QKI: variants seen among roughly 807,000 people sequenced by gnomAD.
The protein encoded by QKI is QKI, KH domain containing RNA binding.
A neutral mutation model predicts 39.0 loss-of-function variants in QKI; 10 were observed. The observed-to-expected ratio is 0.26, with a 90% CI of 0.16 to 0.43. The LOEUF (loss-of-function observed/expected upper bound fraction) is 0.43. Among genes scored for constraint, QKI ranks in the 20% least tolerant of loss-of-function variants. The pLI is 1.00. For synonymous variants in QKI, 204 were observed against 155.4 expected, an observed-to-expected ratio of 1.31 and a Z score of -2.33; for missense variants, 218 against 428.0, an observed-to-expected ratio of 0.51 and a Z score of 4.33.
intron 6 of QKI, chr6:163,565,293 C>G (rs1783291199): frequency 1.0e-6 from 1 of 986,512 alleles, no homozygotes; most frequent in South Asian, 4.7e-5. Context: ...CTCTCTGCTG[C>G]ACCCACAGCA....
At chr6:163,486,717 A>T (rs1409080980) in intron 3 of QKI, among the ~76,000 whole-genome samples, 2 of 152,208 alleles carry the variant, frequency 1.3e-5, no homozygotes, top group Non-Finnish European at 2.9e-5. Flanking sequence ...ATAGTTTGGT[A>T]TGTCTTGTAG....
chr6:163,506,762 G>A (rs76156611), intron 3 of QKI, among the ~76,000 whole-genome samples: 4,239 of 152,166 alleles, frequency 0.028, 195 homozygotes, highest in African/African-American at 0.096. Flanking sequence ...ATGACCCTTA[G>A]TATTGTATAT....
chr6:163,436,981 C>G lies in QKI; in HGVS notation c.143-18298C>G, dbSNP rs563301458. 2.0e-5 allele frequency among the ~76,000 whole-genome samples: 3 copies of G among 152,146 alleles called. No individual in the cohort carries two copies. In the South Asian group the frequency reaches 6.2e-4, roughly 32 times the overall value. ...GTTGGAGATACATTTGAATGTTTAG[C>G]CATCTCTCAATTTCCATGGAGAGGA... On this transcript the variant is annotated intron_variant, in intron 1 of 7. Coordinates refer to ENST00000361752, the MANE Select transcript of QKI (RefSeq NM_006775.3).
intron 2 of QKI, among the ~76,000 whole-genome samples, chr6:163,473,975 C>A (rs1488958201): frequency 1.3e-5 from 2 of 151,820 alleles, no homozygotes; most frequent in African/African-American, 4.8e-5. Context: ...GTTGATTTTG[C>A]ATTAAATTGG....
chr6:163,538,662 C>T (rs1297265057), intron 4 of QKI, among the ~76,000 whole-genome samples: 2 of 152,312 alleles, frequency 1.3e-5, no homozygotes, highest in South Asian at 2.1e-4. Flanking sequence ...ATTCCAGCTG[C>T]TGGCCTGAGA....
At chr6:163,458,902 A>G (rs894344919) in intron 2 of QKI, among the ~76,000 whole-genome samples, 6 of 152,192 alleles carry the variant, frequency 3.9e-5, no homozygotes, top group African/African-American at 4.8e-5. Context: ...AGTAAAGACA[A>G]TAGGTTTCTT....
At chr6:163,489,758 C>A (rs909666912) in intron 3 of QKI, among the ~76,000 whole-genome samples, 6 of 152,094 alleles carry the variant, frequency 3.9e-5, no homozygotes, top group Non-Finnish European at 5.9e-5. Flanking sequence ...GGAATTATTT[C>A]ATTTTATTAA....
rs1421610608 is a variant in QKI at position 163,577,134 on chromosome 6, A to AC, written c.*6425dup. 6.6e-6 allele frequency: 1 copy of AC among 152,150 alleles called. No homozygotes were observed. Among genetic ancestry groups the AC allele is most frequent in the African/African-American group, 2.4e-5 (1 of 41,434 alleles). 9.4% of individuals were successfully genotyped at this position (152,150 alleles called of 1,614,324 possible). ...AGTGTGAAACCTTTACGAGTCTTTA[A>AC]CATCTAAATGTTATGACTCCTTGTA... On this transcript the variant is annotated 3_prime_UTR_variant, in exon 8 of 8. Coordinates refer to ENST00000361752, the MANE Select transcript of QKI (RefSeq NM_006775.3).
chr6:163,458,573 T>TA (rs1321482964), intron 2 of QKI, among the ~76,000 whole-genome samples: 1 of 152,194 alleles, frequency 6.6e-6, no homozygotes, highest in East Asian at 1.9e-4. Flanking sequence ...GCACCTTACT[T>TA]ACAGAAGTCA....
intron 6 of QKI, chr6:163,564,372 T>A: frequency 8.4e-7 from 1 of 1,197,314 alleles, no homozygotes; most frequent in Non-Finnish European, 1.1e-6. Flanking sequence ...TATAATCTTA[T>A]GGGACCACAT....
chr6:163,435,412 C>T (rs995408632), intron 1 of QKI, among the ~76,000 whole-genome samples: 2 of 152,094 alleles, frequency 1.3e-5, no homozygotes, highest in Middle Eastern at 3.2e-3. Flanking sequence ...AAATTGCAGA[C>T]CTTGATACTG....
chr6:163,477,711 A>T (rs373363514), intron 2 of QKI, among the ~76,000 whole-genome samples: 17 of 152,306 alleles, frequency 1.1e-4, no homozygotes, highest in African/African-American at 4.1e-4. Flanking sequence ...TCTTCGAATG[A>T]TACAGGCGTA....
intron 4 of QKI, among the ~76,000 whole-genome samples, chr6:163,546,040 TTA>T (rs1275463437): frequency 6.7e-6 from 1 of 148,174 alleles, no homozygotes; most frequent in Non-Finnish European, 1.5e-5. Context: ...TTTTATATAA[TTA>T]TATAAAATAT....
chr6:163,520,368 A>T (rs985406103), intron 3 of QKI, among the ~76,000 whole-genome samples: 10 of 152,148 alleles, frequency 6.6e-5, no homozygotes, highest in Non-Finnish European at 1.2e-4. Flanking sequence ...GGCATTTATT[A>T]AAAAAATCAT....
chr6:163,496,596 T>G (rs1778427610), intron 3 of QKI, among the ~76,000 whole-genome samples: 1 of 152,200 alleles, frequency 6.6e-6, no homozygotes, highest in Non-Finnish European at 1.5e-5. Flanking sequence ...TTTTAATGTA[T>G]TCAGTTAGAG....
At position 163,433,494 on chromosome 6, in the gene QKI, C is replaced by T. The variant is rs554997577; in HGVS notation, c.142+18159C>T. Reference sequence around the variant, plus strand: ...ATAAGAATGAACCACAGGCCGGGCACGGTGGCTCATGCCTGTAATCCCAGC... The same window carrying T: ...ATAAGAATGAACCACAGGCCGGGCATGGTGGCTCATGCCTGTAATCCCAGC... On this transcript the variant is annotated intron_variant, in intron 1 of 7. Coordinates refer to ENST00000361752, the MANE Select transcript of QKI (RefSeq NM_006775.3). 2.0e-4 allele frequency among the ~76,000 whole-genome samples: 31 copies of T among 152,236 alleles called. No individual in the cohort carries two copies. In the South Asian group the frequency reaches 4.6e-3, roughly 22 times the overall value.
At position 163,570,712 on chromosome 6, in the gene QKI, C is replaced by A; in HGVS notation, c.*2C>A. ...CACCCAGCCGCCACCGGCAACTAAC[C>A]TATGACCTTCTGACCTCTGAACTCT... On this transcript the variant is annotated 3_prime_UTR_variant, in exon 8 of 8. Transcript: ENST00000361752. The A allele has an allele frequency of 1.2e-6, 2 of 1,613,252 alleles. No individual in the cohort carries two copies. Among genetic ancestry groups the A allele is most frequent in the Non-Finnish European group, 1.7e-6 (2 of 1,179,694 alleles).
intron 2 of QKI, 84 bp from the exon 3 acceptor site, chr6:163,478,696 T>C (rs1253582611): frequency 1.2e-6 from 1 of 856,166 alleles, no homozygotes; most frequent in Non-Finnish European, 1.8e-6. Flanking sequence ...CTTCAGTAAG[T>C]AAATGTAGAT....
At position 163,465,825 on chromosome 6, in the gene QKI, CAAAA is replaced by C. The variant is rs151205903; in HGVS notation, c.285+10407_285+10410del. Among the ~76,000 whole-genome samples the C allele has an allele frequency of 2.2e-3, 335 of 151,734 alleles. 5 individuals carry two copies. The East Asian group carries it at 0.058, about 26-fold the overall frequency. Reference sequence around the variant, plus strand: ...GTCTATACACTAACAACAAACTATTCAAAAAAGAGATTAAGAGGTCAGGTATGGT... The same window carrying C: ...GTCTATACACTAACAACAAACTATTCAAGAGATTAAGAGGTCAGGTATGGT... On this transcript the variant is annotated intron_variant, in intron 2 of 7. Coordinates refer to ENST00000361752, the MANE Select transcript of QKI (RefSeq NM_006775.3).
Sources: gnomAD v4.1 joint callset for allele counts (sites outside exome capture counted in the v4.1 genomes callset) on GRCh38, gnomAD v4.1.1 for gene constraint, MANE v1.5 for transcripts, NCBI Gene and HGNC (gene_info 2026-07-23, HGNC 2026-07-21) for gene names.